Variants in DNAJC1 observed in about 807,000 individuals in gnomAD.
DNAJC1 encodes dnaJ homolog subfamily C member 1.
DNAJC1 carries 58 observed loss-of-function variants against 76.6 expected under a neutral mutation model. The ratio of observed to expected loss-of-function variants is 0.76; its 90% CI spans 0.61 to 0.94. The LOEUF is 0.94. Among genes scored for constraint, DNAJC1 ranks in the 40% least tolerant of loss-of-function variants. The pLI, the probability that DNAJC1 is intolerant of heterozygous loss-of-function variation, is 0.00. For synonymous variants in DNAJC1, 258 were observed against 267.9 expected, an observed-to-expected ratio of 0.96 and a Z score of 0.36; for missense variants, 689 against 677.3, an observed-to-expected ratio of 1.02 and a Z score of -0.19.
At chr10:21,941,292 A>C (rs12771032) in intron 1 of DNAJC1, among the ~76,000 whole-genome samples, 1 of 149,248 alleles carries the variant, frequency 6.7e-6, no homozygotes. Context: ...AAAAAAAAAA[A>C]CAGATAGAAC....
At chr10:21,956,963 C>T (rs149231303) in intron 1 of DNAJC1, among the ~76,000 whole-genome samples, 154 of 150,470 alleles carry the variant, frequency 1.0e-3, no homozygotes, top group African/African-American at 3.4e-3. Flanking sequence ...GCGATCTCGG[C>T]TCGCTGCAAC....
At chr10:21,979,763 G>A (rs936448387) in intron 1 of DNAJC1, among the ~76,000 whole-genome samples, 4 of 151,074 alleles carry the variant, frequency 2.6e-5, no homozygotes, top group Admixed American at 6.6e-5. Context: ...ATCCGGCTAA[G>A]GTACAATGGA....
chr10:22,003,468 G>A lies in DNAJC1; in HGVS notation c.-34C>T. 1 of 1,333,178 alleles carries A rather than the reference G, an allele frequency of 7.5e-7. No individual in the cohort carries two copies. Among genetic ancestry groups the A allele is most frequent in the Non-Finnish European group, 9.5e-7 (1 of 1,048,766 alleles). The allele number at this position is 1,333,178 out of a possible 1,614,324, so 82.6% of individuals were successfully genotyped here. A position where few individuals can be genotyped will look rare whatever the true frequency, so the allele number is the denominator to read the frequency against. ...GCTCGGAAAGGTCACCCGCCGCGCA[G>A]CTCCGTTGGCCGAGAGCTGGGACGT... On this transcript the variant is annotated 5_prime_UTR_variant, in exon 1 of 12. Coordinates refer to ENST00000376980, the MANE Select transcript of DNAJC1 (RefSeq NM_022365.4).
chr10:21,949,416 T>TC (rs970869544), intron 1 of DNAJC1, among the ~76,000 whole-genome samples: 3 of 114,168 alleles, frequency 2.6e-5, no homozygotes, highest in African/African-American at 9.8e-5. Flanking sequence ...TTCTTCTTTT[T>TC]TTTTTTTTTT....
At chr10:21,929,251 G>A in intron 1 of DNAJC1, 110 bp from the exon 2 acceptor site, 1 of 682,604 alleles carries the variant, frequency 1.5e-6, no homozygotes, top group Non-Finnish European at 2.5e-6. Flanking sequence ...CAGGACCCCA[G>A]GCAATGTAAT....
chr10:21,800,877 T>C (rs1329461738), intron 9 of DNAJC1, among the ~76,000 whole-genome samples: 1 of 152,122 alleles, frequency 6.6e-6, no homozygotes, highest in East Asian at 1.9e-4. Context: ...ACATAGAGTT[T>C]TATCAAAAAA....
chr10:21,813,201 TC>T (rs1835008984), intron 8 of DNAJC1, among the ~76,000 whole-genome samples: 2 of 90,126 alleles, frequency 2.2e-5, no homozygotes, highest in Non-Finnish European at 4.3e-5. Flanking sequence ...TCTCTCTCTC[TC>T]TCTCTCTCTC....
chr10:21,967,883 C>T (rs1837917849), intron 1 of DNAJC1, among the ~76,000 whole-genome samples: 1 of 152,206 alleles, frequency 6.6e-6, no homozygotes, highest in Non-Finnish European at 1.5e-5. Flanking sequence ...TCACAATCCA[C>T]TGCCAAAACC....
At chr10:21,960,529 T>C (rs1184907863) in intron 1 of DNAJC1, among the ~76,000 whole-genome samples, 5 of 152,100 alleles carry the variant, frequency 3.3e-5, no homozygotes, top group Non-Finnish European at 7.4e-5. Context: ...CTGGCCCACA[T>C]AGTGAGACCT....
At chr10:21,862,160 C>T (rs11012803) in intron 8 of DNAJC1, among the ~76,000 whole-genome samples, 28 of 152,000 alleles carry the variant, frequency 1.8e-4, no homozygotes, top group African/African-American at 4.4e-4. Flanking sequence ...TCAGGTGATC[C>T]GCCTGCCTCA....
At chr10:21,775,082 T>A (rs1353348535) in intron 9 of DNAJC1, among the ~76,000 whole-genome samples, 1 of 152,180 alleles carries the variant, frequency 6.6e-6, no homozygotes, top group African/African-American at 2.4e-5. Flanking sequence ...ACACATAATC[T>A]GAGTCCTTCA....
intron 1 of DNAJC1, among the ~76,000 whole-genome samples, chr10:22,000,095 G>A (rs1276183257): frequency 6.7e-6 from 1 of 148,944 alleles, no homozygotes; most frequent in Admixed American, 6.6e-5. Flanking sequence ...AGTTACTGAA[G>A]CCAAAAATCT....
At chr10:21,911,402 T>C (rs953822492) in intron 6 of DNAJC1, among the ~76,000 whole-genome samples, 4 of 152,176 alleles carry the variant, frequency 2.6e-5, no homozygotes, top group African/African-American at 4.8e-5. Context: ...CAGAATTACA[T>C]ATAATATGCA....
At chr10:21,950,686 G>C (rs1479120628) in intron 1 of DNAJC1, among the ~76,000 whole-genome samples, 1 of 152,194 alleles carries the variant, frequency 6.6e-6, no homozygotes, top group Non-Finnish European at 1.5e-5. Context: ...AAAAGTTCTT[G>C]AAGGAAATTA....
intron 9 of DNAJC1, among the ~76,000 whole-genome samples, chr10:21,803,589 CTG>C (rs113615504): frequency 0.12 from 16,647 of 140,294 alleles, 986 homozygotes; most frequent in Non-Finnish European, 0.16. Flanking sequence ...GAGTGATTTT[CTG>C]TGTGTGTGTG....
At position 21,835,869 on chromosome 10, in the gene DNAJC1, C is replaced by T. The variant is rs183061415; in HGVS notation, c.979-29770G>A. 1.9e-3 allele frequency among the ~76,000 whole-genome samples: 286 copies of T among 152,268 alleles called. 2 individuals carry two copies. Among genetic ancestry groups the T allele is most frequent in the Non-Finnish European group, 3.2e-3 (219 of 68,022 alleles). On this transcript the variant is annotated intron_variant, in intron 8 of 11. Transcript: ENST00000376980. ...GTCTGATTGGCGTACCTGAAAGTGACAGGGAGAATGGAACCAAGTTGGAAA... is the reference window on the plus strand; with the variant it reads ...GTCTGATTGGCGTACCTGAAAGTGATAGGGAGAATGGAACCAAGTTGGAAA...
intron 7 of DNAJC1, among the ~76,000 whole-genome samples, chr10:21,904,234 G>A (rs1836706385): frequency 6.6e-6 from 1 of 152,118 alleles, no homozygotes; most frequent in South Asian, 2.1e-4. Context: ...TTATAGTACT[G>A]AAGTATTTTA....
chr10:21,871,409 G>T (rs1376334314), intron 8 of DNAJC1, among the ~76,000 whole-genome samples: 1 of 149,678 alleles, frequency 6.7e-6, no homozygotes, highest in Non-Finnish European at 1.5e-5. Context: ...AAGATGGAAA[G>T]AATTTTTGCT....
intron 7 of DNAJC1, among the ~76,000 whole-genome samples, chr10:21,899,433 TACCTGAGACAGG>T (rs1415751116): frequency 6.6e-6 from 1 of 152,206 alleles, no homozygotes; most frequent in Non-Finnish European, 1.5e-5. Flanking sequence ...GGCTGGAGTC[TACCTGAGACAGG>T]ACCTGGGGCA....
Sources: allele counts gnomAD v4.1 joint callset (sites outside exome capture counted in the v4.1 genomes callset), GRCh38; gene constraint gnomAD v4.1.1; transcripts MANE v1.5; gene names NCBI Gene and HGNC (gene_info 2026-07-23, HGNC 2026-07-21).